The following HLA-DPB1 variants were observed in gnomAD, a reference collection of about 807,000 sequenced individuals.
HLA-DPB1 encodes HLA class II histocompatibility antigen, DP beta 1 chain.
A neutral mutation model predicts 29.4 loss-of-function variants in HLA-DPB1; 30 were observed. The observed-to-expected ratio is 1.02, with a 90% CI of 0.76 to 1.38. HLA-DPB1 has a LOEUF of 1.38. HLA-DPB1 is among the 40% of genes most tolerant of loss of function. HLA-DPB1 has a pLI of 0.00. For missense variants in HLA-DPB1, 261 were observed against 327.5 expected (o/e 0.80, Z 1.57); for synonymous variants, 114 against 134.0 (o/e 0.85, Z 1.03).
At chr6:33,078,135 G>C (rs1371547906) in intron 1 of HLA-DPB1, among the ~76,000 whole-genome samples, 2 of 152,110 alleles carry the variant, frequency 1.3e-5, no homozygotes, top group Non-Finnish European at 2.9e-5. Context: ...ACCCAGAGGT[G>C]GGGGAGCAGA....
intron 2 of HLA-DPB1, among the ~76,000 whole-genome samples, chr6:33,081,755 T>G (rs1762878733): frequency 6.6e-6 from 1 of 152,118 alleles, no homozygotes. Flanking sequence ...TTACTTGTCT[T>G]GGGTTCCCCA....
Position 33,088,658 on chromosome 6 carries a change from G to T in HLA-DPB1, c.*2124G>T, listed in dbSNP as rs3117228. Among the ~76,000 whole-genome samples the T allele has an allele frequency of 0.38, 57,779 of 151,896 alleles. 12,426 individuals are homozygous for T. The highest frequency in any genetic ancestry group is 0.64 in the East Asian group (3,291 of 5,150). On this transcript the variant is annotated 3_prime_UTR_variant, in exon 6 of 6. Coordinates refer to ENST00000418931, the MANE Select transcript of HLA-DPB1 (RefSeq NM_002121.6). ...CACTAGACTTCAAATTTTCAATATT[G>T]ATAGAGTGTTTTCTAAGAGTCAGGC...
chr6:33,088,731 A>G lies in HLA-DPB1; in HGVS notation c.*2197A>G, dbSNP rs1374417988. Among the ~76,000 whole-genome samples, 1 of 152,196 alleles carries G rather than the reference A, an allele frequency of 6.6e-6. No homozygotes were observed. Among genetic ancestry groups the G allele is most frequent in the African/African-American group, 2.4e-5 (1 of 41,434 alleles). On this transcript the variant is annotated 3_prime_UTR_variant, in exon 6 of 6. Transcript: ENST00000418931. ...GCAGGATCAAAGGCAGCCAGGAGGT[A>G]GAGGAGTCTTGAGGTACATCAGTCA... is the stretch of plus-strand genomic sequence containing the variant.
chr6:33,089,217 G>C lies in HLA-DPB1; in HGVS notation c.*2683G>C, dbSNP rs73743105. On this transcript the variant is annotated 3_prime_UTR_variant, in exon 6 of 6. Coordinates refer to ENST00000418931, the MANE Select transcript of HLA-DPB1 (RefSeq NM_002121.6). ...TGATGCCTTTTGAGCATGTTGCATTGTAAACTGTCCCTGAAATTACTGTGC... is the reference window on the plus strand; with the variant it reads ...TGATGCCTTTTGAGCATGTTGCATTCTAAACTGTCCCTGAAATTACTGTGC... Among the ~76,000 whole-genome samples, 8,282 of 152,216 alleles carry C rather than the reference G, an allele frequency of 0.054. 338 individuals are homozygous for C. The highest frequency in any genetic ancestry group is 0.095 in the African/African-American group (3,958 of 41,498).
At chr6:33,086,292 G>T (rs765640102) in intron 5 of HLA-DPB1, 50 bp downstream of exon 5, 1 of 1,378,818 alleles carries the variant, frequency 7.3e-7, no homozygotes, top group South Asian at 1.2e-5. Flanking sequence ...AGGAGGATAT[G>T]AGTCCTTTCT....
At chr6:33,086,271 G>A in intron 5 of HLA-DPB1, 29 bp downstream of exon 5, 2 of 1,533,930 alleles carry the variant, frequency 1.3e-6, no homozygotes, top group Non-Finnish European at 1.8e-6. Context: ...TTTCCTTGTG[G>A]GGTGGGTTGC....
In HLA-DPB1 at chr6:33,087,434, A is replaced by G. The variant is rs1763159471; in HGVS notation, c.*900A>G. Among the ~76,000 whole-genome samples, 2 of 151,162 alleles carry G rather than the reference A, an allele frequency of 1.3e-5. No individual in the cohort carries two copies. Among genetic ancestry groups the G allele is most frequent in the East Asian group, 1.9e-4 (1 of 5,164 alleles). On this transcript the variant is annotated 3_prime_UTR_variant, in exon 6 of 6. Coordinates refer to ENST00000418931, the MANE Select transcript of HLA-DPB1 (RefSeq NM_002121.6). Reference sequence around the variant, plus strand: ...TTTTTTTTTTTCTTAACAATCCAACATTGTTATGTGTTTTGCGTCTCATAT... The same window carrying G: ...TTTTTTTTTTTCTTAACAATCCAACGTTGTTATGTGTTTTGCGTCTCATAT...
At chr6:33,084,456 A>G (rs1158204416) in intron 2 of HLA-DPB1, among the ~76,000 whole-genome samples, 1 of 152,188 alleles carries the variant, frequency 6.6e-6, no homozygotes, top group Non-Finnish European at 1.5e-5. Context: ...TATTTTCAAC[A>G]TCTAGGAATC....
chr6:33,080,680 C>G lies in HLA-DPB1; in HGVS notation c.109C>G (p.Leu37Val), dbSNP rs1126504. ...CCGCCCCCTCCCCGCAGAGAATTACCTTTTCCAGGGACGGCAGGAATGCTA... is the reference window on the plus strand; with the variant it reads ...CCGCCCCCTCCCCGCAGAGAATTACGTTTTCCAGGGACGGCAGGAATGCTA... ...VQGRATPENYLFQGRQECYAF... is the reference protein window; with the variant it reads ...VQGRATPENYVFQGRQECYAF... Residue 37 changes from leucine (L) to valine (V), a missense_variant, in exon 2 of 6, where the codon CTT becomes GTT. By Grantham distance (32) the Leu-to-Val change is conservative. Coordinates refer to ENST00000418931, the MANE Select transcript of HLA-DPB1 (RefSeq NM_002121.6). The surrounding 1 kb of genome is among the most constrained non-coding windows in gnomAD (Gnocchi z 4.3). 465,661 of 1,601,204 alleles carry G rather than the reference C, an allele frequency of 0.29. 74,277 individuals carry two copies. Among genetic ancestry groups the G allele is most frequent in the African/African-American group, 0.62 (46,133 of 74,692 alleles).
chr6:33,081,625 A>G (rs1480699001), intron 2 of HLA-DPB1, among the ~76,000 whole-genome samples: 1 of 152,100 alleles, frequency 6.6e-6, no homozygotes, highest in East Asian at 1.9e-4. Flanking sequence ...GAAGATGGAA[A>G]GTGGGTTTGG....
rs1126513 is a variant in HLA-DPB1, at chr6:33,080,690, G to T, written c.119G>T (p.Gly40Val). 0.22 allele frequency: 349,481 copies of T among 1,605,462 alleles called. 39,608 individuals are homozygous for T. Among genetic ancestry groups the T allele is most frequent in the South Asian group, 0.29 (26,578 of 90,888 alleles). ...CCCGCAGAGAATTACCTTTTCCAGGGACGGCAGGAATGCTACGCGTTTAAT... is the reference window on the plus strand; with the variant it reads ...CCCGCAGAGAATTACCTTTTCCAGGTACGGCAGGAATGCTACGCGTTTAAT... Reference protein sequence around the residue: ...RATPENYLFQGRQECYAFNGT... With the variant: ...RATPENYLFQVRQECYAFNGT... The change falls in exon 2 of 6, where the codon GGA (glycine) becomes GTA (valine). Residue 40 changes from glycine to valine, a missense_variant. Gly to Val is a moderately radical substitution (Grantham distance 109). Coordinates refer to ENST00000418931, the MANE Select transcript of HLA-DPB1 (RefSeq NM_002121.6). The surrounding 1 kb of genome is among the most constrained non-coding windows in gnomAD (Gnocchi z 4.3).
intron 2 of HLA-DPB1, among the ~76,000 whole-genome samples, chr6:33,082,703 G>A (rs570160775): frequency 8.5e-5 from 13 of 152,238 alleles, no homozygotes; most frequent in South Asian, 2.1e-4. Context: ...GCAAGGGAGA[G>A]GTGGAAGGGG....
Position 33,080,986 on chromosome 6 carries a change from GC to G in HLA-DPB1, c.364+54del. ...TCCCAGGGCAGCCCCGCGGGCCCGT[GC>G]CCAGGGCGCAGGAGCAGCCGGGTTG... is the stretch of plus-strand genomic sequence containing the variant. On this transcript the variant is annotated intron_variant, in intron 2 of 5. Coordinates refer to ENST00000418931, the MANE Select transcript of HLA-DPB1 (RefSeq NM_002121.6). This position sits in a 1 kb window ranked among gnomAD's most constrained non-coding sequence, Gnocchi z 4.3. 6.6e-7 allele frequency: 1 copy of G among 1,509,396 alleles called. No homozygotes were observed. The allele number at this position is 1,509,396 out of a possible 1,614,324, so 93.5% of individuals were successfully genotyped here.
chr6:33,077,735 C>T (rs900296367), intron 1 of HLA-DPB1, among the ~76,000 whole-genome samples: 3 of 152,148 alleles, frequency 2.0e-5, no homozygotes, highest in East Asian at 1.9e-4. Flanking sequence ...TTCCTGCTTA[C>T]ACCCTTCCTC....
rs763314196 is a variant in HLA-DPB1, at chr6:33,076,069, C to A, written c.28C>A (p.Pro10Thr). Reference protein sequence around the residue: MMVLQVSAAPRTVALTALLM... With the variant: MMVLQVSAATRTVALTALLM... The stretch of plus-strand genomic sequence containing the variant: ...GATGGTTCTGCAGGTTTCTGCGGCC[C>A]CCCGGACAGTGGCTCTGACGGCGTT... Residue 10 changes from proline (P) to threonine (T), a missense_variant, in exon 1 of 6, where the codon CCC becomes ACC. Pro to Thr is a conservative substitution (Grantham distance 38). Coordinates refer to ENST00000418931, the MANE Select transcript of HLA-DPB1 (RefSeq NM_002121.6). The A allele has an allele frequency of 4.3e-6, 7 of 1,612,584 alleles. No homozygotes were observed. Among genetic ancestry groups the A allele is most frequent in the Non-Finnish European group, 5.9e-6 (7 of 1,179,920 alleles).
At chr6:33,076,185 C>A (rs1161005096) in intron 1 of HLA-DPB1, 44 bp downstream of exon 1, 4 of 1,332,678 alleles carry the variant, frequency 3.0e-6, no homozygotes, top group East Asian at 4.7e-5. Context: ...GCTCAGGGAA[C>A]AATTCCTAGG....
chr6:33,083,363 C>G (rs945135375), intron 2 of HLA-DPB1, among the ~76,000 whole-genome samples: 6 of 152,230 alleles, frequency 3.9e-5, no homozygotes, highest in African/African-American at 1.4e-4. Flanking sequence ...TCTTGATGAG[C>G]TGTTCTCTAG....
At chr6:33,084,894 AAGGAAAG>A in intron 2 of HLA-DPB1, 49 bp from the exon 3 acceptor site, 9 of 700,188 alleles carry the variant, frequency 1.3e-5, no homozygotes, top group Non-Finnish European at 1.7e-5. Flanking sequence ...GGAAGGAAGG[AAGGAAAG>A]AAGGACAATC....
At position 33,076,122 on chromosome 6, in the gene HLA-DPB1, C is replaced by CCAGG. The variant is rs759178727; in HGVS notation, c.82_85dup (p.Gly29AlafsTer21). 1.9e-6 allele frequency: 3 copies of CCAGG among 1,610,568 alleles called. No individual in the cohort carries two copies. Among genetic ancestry groups the CCAGG allele is most frequent in the Non-Finnish European group, 2.5e-6 (3 of 1,178,844 alleles). On this transcript the variant is annotated frameshift_variant, in exon 1 of 6. Coordinates refer to ENST00000418931, the MANE Select transcript of HLA-DPB1 (RefSeq NM_002121.6). LOFTEE classifies it high-confidence loss of function. ...TGATGGTGCTGCTCACATCTGTGGT[C>CCAGG]CAGGGCAGGGCCACTCCAGGTAAGA...
Sources: allele counts gnomAD v4.1 joint callset (sites outside exome capture counted in the v4.1 genomes callset), GRCh38; gene constraint gnomAD v4.1.1; non-coding constraint Gnocchi (gnomAD v3.1); transcripts MANE v1.5; gene names NCBI Gene and HGNC (gene_info 2026-07-23, HGNC 2026-07-21).